Variants in ANXA6 observed in about 807,000 individuals in gnomAD.
The protein encoded by ANXA6 is annexin A6, also known as 67 kDa calelectrin.
Under a neutral mutation model 95.4 loss-of-function variants are expected in ANXA6, and 71 were observed. That is an observed-to-expected ratio of 0.74 (90% CI 0.61 to 0.91). The LOEUF (loss-of-function observed/expected upper bound fraction) is 0.91. Among genes scored for constraint, ANXA6 ranks in the 40% least tolerant of loss-of-function variants. The probability of loss-of-function intolerance (pLI) is 0.00; values close to 1 mark genes in which losing one functional copy is unlikely to be tolerated. For missense variants in ANXA6, 830 were observed against 876.4 expected, an observed-to-expected ratio of 0.95 and a Z score of 0.67; for synonymous variants, 289 against 315.9, an observed-to-expected ratio of 0.91 and a Z score of 0.90.
At chr5:151,117,689 C>A in intron 19 of ANXA6, 69 bp downstream of exon 19, 1 of 1,375,784 alleles carries the variant, frequency 7.3e-7, no homozygotes, top group South Asian at 1.2e-5. Context: ...GCCCTCCACT[C>A]AGTAAACCTT....
rs371316153 is a variant in ANXA6, at chr5:151,138,693, A to C, written c.303T>G (p.Ile101Met). 7 of 1,613,166 alleles carry C rather than the reference A, an allele frequency of 4.3e-6. No individual in the cohort carries two copies. The highest frequency in any genetic ancestry group is 5.9e-6 in the Non-Finnish European group (7 of 1,179,300). ...CACTTCTTACCGAGATGGCATCTTT[A>C]ATTTCTTTGGCATCACAATAGGCAG... is the stretch of plus-strand genomic sequence containing the variant. ...RPPAYCDAKE[I>M]KDAISGIGTD... Residue 101 changes from isoleucine to methionine, a missense_variant, in exon 5 of 26, where the codon ATT becomes ATG. Coordinates refer to ENST00000354546, the MANE Select transcript of ANXA6 (RefSeq NM_001155.5).
At chr5:151,144,415 G>A (rs982449814) in intron 2 of ANXA6, among the ~76,000 whole-genome samples, 4 of 152,182 alleles carry the variant, frequency 2.6e-5, no homozygotes, top group African/African-American at 9.7e-5. Context: ...GCTGGGGCAG[G>A]GGTGTGTGGG....
intron 1 of ANXA6, among the ~76,000 whole-genome samples, chr5:151,152,186 C>A (rs1265732866): frequency 6.6e-6 from 1 of 152,210 alleles, no homozygotes; most frequent in African/African-American, 2.4e-5. Context: ...TAAACTGAAT[C>A]TCAATTTCCA....
At chr5:151,137,085 A>G (rs1765684339) in intron 6 of ANXA6, 146 bp downstream of exon 6, 1 of 726,982 alleles carries the variant, frequency 1.4e-6, no homozygotes, top group Non-Finnish European at 2.3e-6. Context: ...CAGAGCAAGT[A>G]CTTATTGGGT....
chr5:151,143,292 C>G (rs1765885957), intron 2 of ANXA6, among the ~76,000 whole-genome samples: 1 of 152,152 alleles, frequency 6.6e-6, no homozygotes, highest in Non-Finnish European at 1.5e-5. Flanking sequence ...CCACTGCTTC[C>G]TCCTGGTCAA....
chr5:151,128,239 T>C lies in ANXA6; in HGVS notation c.919A>G (p.Asn307Asp), dbSNP rs1489979943. Reference protein sequence around the residue: ...YEKSLYSMIKNDTSGEYKKTL... With the variant: ...YEKSLYSMIKDDTSGEYKKTL... ...TTCTTGTACTCGCCAGAGGTGTCAT[T>C]CTGAAGAGAAAGAAAGAAAGGTTAC... Residue 307 changes from asparagine (N) to aspartate (D), a missense_variant and splice_region_variant, in exon 13 of 26, where the codon AAT becomes GAT. Transcript: ENST00000354546. The C allele has an allele frequency of 1.4e-5, 23 of 1,609,530 alleles. No homozygotes were observed. Among genetic ancestry groups the C allele is most frequent in the Admixed American group, 3.4e-5 (2 of 59,546 alleles).
intron 1 of ANXA6, among the ~76,000 whole-genome samples, chr5:151,152,314 T>G (rs1310907443): frequency 6.6e-6 from 1 of 152,244 alleles, no homozygotes; most frequent in Non-Finnish European, 1.5e-5. Flanking sequence ...TGGTGGCTTT[T>G]ATTATAATAA....
intron 1 of ANXA6, among the ~76,000 whole-genome samples, chr5:151,157,352 C>T (rs1340085372): frequency 1.3e-5 from 2 of 152,170 alleles, no homozygotes; most frequent in East Asian, 3.9e-4. Context: ...CTTGAGCCCC[C>T]CCAAATTAAG....
In ANXA6 at chr5:151,134,454, G is replaced by A. The variant is rs752269503; in HGVS notation, c.519C>T (p.Ser173=). The change falls in exon 8 of 26, where the codon AGC becomes AGT. Residue 173 remains serine, a synonymous_variant. Coordinates refer to ENST00000354546, the MANE Select transcript of ANXA6 (RefSeq NM_001155.5). ...GGACATCCTGTTGTACCAGGTCCTC[G>A]CTCACTACGTCATCCTCCTCCCTGG... ...QGTREEDDVV[S]EDLVQQDVQD... 16 of 1,613,940 alleles carry A rather than the reference G, an allele frequency of 9.9e-6. No homozygotes were observed. The highest frequency in any genetic ancestry group is 5.0e-5 in the Admixed American group (3 of 60,012).
At chr5:151,112,723 C>T (rs1043084008) in intron 20 of ANXA6, among the ~76,000 whole-genome samples, 1 of 152,142 alleles carries the variant, frequency 6.6e-6, no homozygotes, top group Admixed American at 6.5e-5. Flanking sequence ...ACTTGGGGGG[C>T]TGAGGTGGGA....
chr5:151,108,491 TCTC>T lies in ANXA6; in HGVS notation c.1741_1743del (p.Glu581del), dbSNP rs1168043299. On this transcript the variant is annotated inframe_deletion, in exon 23 of 26. Coordinates refer to ENST00000354546, the MANE Select transcript of ANXA6 (RefSeq NM_001155.5). ...AATGCATCCCTGACATCCCCAGACA[TCTC>T]CTTCTTGATGGTGTGCTCCACGTCA... The T allele has an allele frequency of 1.9e-6, 3 of 1,613,846 alleles. No individual in the cohort carries two copies. Among genetic ancestry groups the T allele is most frequent in the South Asian group, 1.1e-5 (1 of 91,080 alleles).
chr5:151,122,054 A>G, intron 17 of ANXA6, 93 bp downstream of exon 17: 2 of 726,894 alleles, frequency 2.8e-6, no homozygotes, highest in East Asian at 3.3e-5. Context: ...GAGTTCTACC[A>G]AGAAGTTACA....
intron 6 of ANXA6, 27 bp downstream of exon 6, chr5:151,137,204 C>T: frequency 6.3e-7 from 1 of 1,596,916 alleles, no homozygotes; most frequent in African/African-American, 1.3e-5. Context: ...TCTGAAGATC[C>T]TAAGCGGCCC....
At chr5:151,141,713 A>C in intron 2 of ANXA6, 1 of 985,504 alleles carries the variant, frequency 1.0e-6, no homozygotes, top group African/African-American at 1.7e-5. Flanking sequence ...TTACTATTTA[A>C]AGTTCTGACC....
At position 151,129,481 on chromosome 5, in the gene ANXA6, T is replaced by C. The variant is rs760504579; in HGVS notation, c.844A>G (p.Ser282Gly). ...NTLIRIMVSR[S>G]ELDMLDIREI... ...CGAATGTCGAGCATGTCCAACTCAC[T>C]ACGGGAGACCATGATGCGGATCAGG... The change falls in exon 12 of 26, where the codon AGT (serine) becomes GGT (glycine). Residue 282 changes from serine to glycine, a missense_variant. By Grantham distance (56) the Ser-to-Gly change is moderately conservative. Coordinates refer to ENST00000354546, the MANE Select transcript of ANXA6 (RefSeq NM_001155.5). 1 of 1,612,502 alleles carries C rather than the reference T, an allele frequency of 6.2e-7. No homozygotes were observed. Among genetic ancestry groups the C allele is most frequent in the South Asian group, 1.1e-5 (1 of 90,732 alleles).
At chr5:151,139,303 A>T in intron 4 of ANXA6, 50 bp downstream of exon 4, 2 of 1,353,010 alleles carry the variant, frequency 1.5e-6, no homozygotes, top group Non-Finnish European at 2.1e-6. Context: ...CAGGTGAATG[A>T]AATCATTCTT....
chr5:151,135,818 AAAAC>A (rs1318632624), intron 7 of ANXA6, among the ~76,000 whole-genome samples: 1 of 152,194 alleles, frequency 6.6e-6, no homozygotes, highest in Admixed American at 6.5e-5. Context: ...ATTTTATGGG[AAAAC>A]AAACAAAAAA....
chr5:151,120,235 G>A (rs751337799), intron 17 of ANXA6, among the ~76,000 whole-genome samples: 14 of 152,062 alleles, frequency 9.2e-5, no homozygotes, highest in Non-Finnish European at 1.6e-4. Flanking sequence ...AGGCAGGCTG[G>A]GGACCTGTCA....
chr5:151,129,422 G>C lies in ANXA6; in HGVS notation c.903C>G (p.Leu301=), dbSNP rs967970931. Residue 301 remains leucine (L), a synonymous_variant, in exon 12 of 26, where the codon CTC becomes CTG. Coordinates refer to ENST00000354546, the MANE Select transcript of ANXA6 (RefSeq NM_001155.5). ...EIFRTKYEKS[L]YSMIKNDTSG... ...CTCTGCTGACCTTGATCATGCTGTA[G>C]AGGGACTTCTCATACTTGGTCCGGA... 6.2e-7 allele frequency: 1 copy of C among 1,613,496 alleles called. No homozygotes were observed. Among genetic ancestry groups the C allele is most frequent in the Non-Finnish European group, 8.5e-7 (1 of 1,179,866 alleles).
Sources: gnomAD v4.1 joint callset for allele counts (sites outside exome capture counted in the v4.1 genomes callset) on GRCh38, gnomAD v4.1.1 for gene constraint, MANE v1.5 for transcripts, NCBI Gene and HGNC (gene_info 2026-07-23, HGNC 2026-07-21) for gene names.